MRTFB: variants seen among roughly 807,000 people sequenced by gnomAD.
MRTFB encodes the protein myocardin related transcription factor B, also known as myocardin-related transcription factor B.
MRTFB carries 29 observed loss-of-function variants against 104.2 expected under a neutral mutation model. The observed-to-expected ratio is 0.28, with a 90% CI of 0.21 to 0.38. The LOEUF is 0.38. Ranked by LOEUF, MRTFB falls within the 10% of genes least tolerant of loss-of-function variation. The pLI is 1.00. For missense variants in MRTFB, 1,270 were observed against 1,341.6 expected, an observed-to-expected ratio of 0.95 and a Z score of 0.83; for synonymous variants, 535 against 519.5, an observed-to-expected ratio of 1.03 and a Z score of -0.41.
the MRTFB span, among the ~76,000 whole-genome samples, chr16:14,023,461 G>A: frequency 6.6e-6 from 1 of 151,854 alleles, no homozygotes; most frequent in East Asian, 1.9e-4. Flanking sequence ...CTGATGGCCT[G>A]TGCTTAAATC....
At chr16:14,113,583 T>G (rs945468303) in intron 2 of MRTFB, among the ~76,000 whole-genome samples, 2 of 152,146 alleles carry the variant, frequency 1.3e-5, no homozygotes, top group Admixed American at 6.5e-5. Context: ...GAGAATGGGA[T>G]GATTCCTGTT....
chr16:14,174,054 A>G (rs1443327370), intron 3 of MRTFB, among the ~76,000 whole-genome samples: 1 of 151,968 alleles, frequency 6.6e-6, no homozygotes, highest in East Asian at 1.9e-4. Flanking sequence ...ACTTTATGGA[A>G]CTTGTTTTCC....
chr16:14,218,083 G>A (rs551695618), intron 7 of MRTFB, among the ~76,000 whole-genome samples: 51 of 152,024 alleles, frequency 3.4e-4, no homozygotes, highest in African/African-American at 4.8e-4. Flanking sequence ...TTTTTGAGAC[G>A]GAGTCTGGCT....
At chr16:14,089,488 G>A (rs1017914291) in intron 2 of MRTFB, among the ~76,000 whole-genome samples, 3 of 152,158 alleles carry the variant, frequency 2.0e-5, no homozygotes, top group African/African-American at 7.2e-5. Context: ...GTAGTATTCT[G>A]TTGTGTGGAT....
chr16:14,099,640 T>C (rs933387598), intron 2 of MRTFB, among the ~76,000 whole-genome samples: 29 of 151,626 alleles, frequency 1.9e-4, no homozygotes, highest in Non-Finnish European at 4.1e-4. Context: ...TGAGTCACCA[T>C]GCCCAGCCGT....
chr16:14,017,711 ATTTTTTTTTTT>A, the MRTFB span, among the ~76,000 whole-genome samples: 1 of 33,612 alleles, frequency 3.0e-5, no homozygotes, highest in South Asian at 9.3e-4. Flanking sequence ...ATATATATAT[ATTTTTTTTTTT>A]TTTTTTTTTT....
At chr16:14,213,647 G>A (rs980409992) in intron 6 of MRTFB, 27 bp downstream of exon 6, 2 of 1,450,924 alleles carry the variant, frequency 1.4e-6, no homozygotes, top group Non-Finnish European at 9.4e-7. Flanking sequence ...TTCTTAATCT[G>A]CTGTATTTTT....
intron 2 of MRTFB, among the ~76,000 whole-genome samples, chr16:14,139,518 C>G (rs545493969): frequency 6.6e-6 from 1 of 152,316 alleles, no homozygotes; most frequent in Non-Finnish European, 1.5e-5. Context: ...AAAATTTAAA[C>G]ATAGAGCTGC....
At chr16:14,221,157 C>T (rs1046935147) in intron 8 of MRTFB, among the ~76,000 whole-genome samples, 1 of 152,054 alleles carries the variant, frequency 6.6e-6, no homozygotes, top group Non-Finnish European at 1.5e-5. Flanking sequence ...CAGAGGCGAA[C>T]TTTATGATGC....
chr16:14,234,360 A>T (rs1447990347), intron 9 of MRTFB, 77 bp downstream of exon 9: 1 of 1,498,188 alleles, frequency 6.7e-7, no homozygotes, highest in Admixed American at 2.0e-5. Context: ...TGGAAGACAA[A>T]GGCATTTATC....
upstream of MRTFB, among the ~76,000 whole-genome samples, chr16:14,069,070 A>T (rs1396252615): frequency 1.3e-5 from 2 of 149,580 alleles, no homozygotes; most frequent in African/African-American, 5.0e-5. Flanking sequence ...CCCAGGTTCA[A>T]GCGATTCTCC....
chr16:14,194,996 G>A (rs949239415), intron 3 of MRTFB, among the ~76,000 whole-genome samples: 1 of 152,246 alleles, frequency 6.6e-6, no homozygotes, highest in Non-Finnish European at 1.5e-5. Context: ...ATTGAAGCAG[G>A]TGAATGCACA....
the MRTFB span, among the ~76,000 whole-genome samples, chr16:13,999,146 C>G: frequency 6.7e-6 from 1 of 148,862 alleles, no homozygotes; most frequent in African/African-American, 2.5e-5. Flanking sequence ...GCTGAGATCT[C>G]GTCACTGTAC....
chr16:14,229,193 C>A (rs1251627440), intron 8 of MRTFB, among the ~76,000 whole-genome samples: 1 of 152,150 alleles, frequency 6.6e-6, no homozygotes, highest in African/African-American at 2.4e-5. Flanking sequence ...AGGAAATTCA[C>A]TTTTAATATT....
chr16:14,001,059 C>T, the MRTFB span, among the ~76,000 whole-genome samples: 4 of 152,234 alleles, frequency 2.6e-5, no homozygotes, highest in Non-Finnish European at 4.4e-5. Flanking sequence ...ATGGGTATAG[C>T]GACTACGTCC....
chr16:14,060,514 G>A, the MRTFB span, among the ~76,000 whole-genome samples: 2 of 151,678 alleles, frequency 1.3e-5, no homozygotes, highest in African/African-American at 2.4e-5. Flanking sequence ...TTTCTCTCTC[G>A]GCACCAGTCT....
At chr16:14,083,245 G>GT (rs894752956) in intron 2 of MRTFB, among the ~76,000 whole-genome samples, 8 of 151,596 alleles carry the variant, frequency 5.3e-5, no homozygotes, top group Admixed American at 2.6e-4. Flanking sequence ...GGTTCCAACA[G>GT]TTTTTTTTGG....
chr16:14,008,144 T>A, the MRTFB span, among the ~76,000 whole-genome samples: 34 of 152,124 alleles, frequency 2.2e-4, no homozygotes, highest in Non-Finnish European at 4.4e-4. Context: ...GGTAGGAGGA[T>A]CACTTGAGCC....
chr16:14,170,875 G>A (rs1469529129), intron 3 of MRTFB, among the ~76,000 whole-genome samples: 1 of 152,136 alleles, frequency 6.6e-6, no homozygotes, highest in African/African-American at 2.4e-5. Context: ...TTGCTAAGTG[G>A]TAATAATTCC....
Sources: allele counts gnomAD v4.1 joint callset (sites outside exome capture counted in the v4.1 genomes callset), GRCh38; gene constraint gnomAD v4.1.1; transcripts MANE v1.5; gene names NCBI Gene and HGNC (gene_info 2026-07-23, HGNC 2026-07-21).